The following CALN1 variants were observed in gnomAD, a reference collection of about 807,000 sequenced individuals.
CALN1 encodes calcium-binding protein 8.
In CALN1, 17 loss-of-function variants were observed where a neutral mutation model predicts 30.6. The ratio of observed to expected loss-of-function variants is 0.56; its 90% CI spans 0.38 to 0.83. CALN1 has a LOEUF of 0.83. CALN1 is among the 40% of genes least tolerant of loss of function. The pLI is 0.00. For missense variants in CALN1, 291 were observed against 354.9 expected (o/e 0.82, Z 1.45); for synonymous variants, 156 against 131.4 (o/e 1.19, Z -1.28).
intron 4 of CALN1, among the ~76,000 whole-genome samples, chr7:72,088,701 G>GAAAAAAAAAAAAAAAAA (rs71069024): frequency 2.8e-5 from 2 of 72,470 alleles, no homozygotes; most frequent in African/African-American, 5.1e-5. Flanking sequence ...TCCATCTCAA[G>GAAAAAAAAAAAAAAAAA]AAAAAAAAAA....
the CALN1 span, among the ~76,000 whole-genome samples, chr7:72,499,841 CT>C: frequency 4.0e-5 from 1 of 25,238 alleles, no homozygotes; most frequent in East Asian, 8.5e-4. Flanking sequence ...TTCTTTCTTT[CT>C]TTCTTTCTTT....
At position 71,986,959 on chromosome 7, in the gene CALN1, C is replaced by A. The variant is rs535521923; in HGVS notation, c.501+36698G>T. Among the ~76,000 whole-genome samples the A allele has an allele frequency of 3.3e-5, 5 of 152,192 alleles. No individual in the cohort carries two copies. The South Asian group carries it at 1.0e-3, about 32-fold the overall frequency. ...CCTGGCCAATATAACAAAACACCGTCTCTATTAAAATTACAAAAATTAGCC... is the reference window on the plus strand; with the variant it reads ...CCTGGCCAATATAACAAAACACCGTATCTATTAAAATTACAAAAATTAGCC... On this transcript the variant is annotated intron_variant, in intron 5 of 6. Transcript: ENST00000395275.
At chr7:71,945,076 G>A (rs1186623586) in intron 5 of CALN1, among the ~76,000 whole-genome samples, 2 of 152,152 alleles carry the variant, frequency 1.3e-5, no homozygotes, top group Non-Finnish European at 1.5e-5. Context: ...ACAGTAATAA[G>A]TAGGTTCTCA....
chr7:71,790,580 C>T (rs754080006), intron 6 of CALN1, among the ~76,000 whole-genome samples: 2 of 152,176 alleles, frequency 1.3e-5, no homozygotes, highest in Non-Finnish European at 2.9e-5. Context: ...CAGTTGTGCA[C>T]GGTTCCCCAG....
chr7:72,286,366 G>A (rs962513071), intron 2 of CALN1, among the ~76,000 whole-genome samples: 3 of 152,214 alleles, frequency 2.0e-5, no homozygotes, highest in African/African-American at 7.2e-5. Context: ...AGGAATGGAA[G>A]GTCTGAGACG....
intron 2 of CALN1, among the ~76,000 whole-genome samples, chr7:72,326,163 A>G (rs1801263700): frequency 3.9e-5 from 6 of 152,318 alleles, no homozygotes; most frequent in Admixed American, 3.9e-4. Context: ...TGGGCCTCCC[A>G]AAGTGCTGGG....
chr7:72,410,747 T>C (rs1444267602), intron 1 of CALN1, among the ~76,000 whole-genome samples: 2 of 152,306 alleles, frequency 1.3e-5, no homozygotes, highest in South Asian at 2.1e-4. Context: ...GGGAACTATA[T>C]ATATTTCCTG....
intron 2 of CALN1, among the ~76,000 whole-genome samples, chr7:72,339,301 A>G (rs1802274877): frequency 6.6e-6 from 1 of 152,300 alleles, no homozygotes; most frequent in South Asian, 2.1e-4. Flanking sequence ...CCTCTTCGAT[A>G]TACTAATTTC....
intron 4 of CALN1, among the ~76,000 whole-genome samples, chr7:72,078,035 C>A (rs1804869506): frequency 6.6e-6 from 1 of 152,120 alleles, no homozygotes; most frequent in South Asian, 2.1e-4. Context: ...GGTACAGTTG[C>A]CATAGCAATC....
chr7:72,061,701 G>A (rs1255205004), intron 4 of CALN1, among the ~76,000 whole-genome samples: 2 of 142,502 alleles, frequency 1.4e-5, no homozygotes, highest in Non-Finnish European at 3.0e-5. Flanking sequence ...AAAGGCTGCA[G>A]AGAAGAAAAA....
chr7:71,931,585 G>A (rs924351557), intron 5 of CALN1, among the ~76,000 whole-genome samples: 42 of 152,164 alleles, frequency 2.8e-4, no homozygotes, highest in Non-Finnish European at 1.9e-4. Context: ...TGGTTTTCTT[G>A]GGCCCTACGA....
chr7:72,315,271 C>A (rs975059760), intron 2 of CALN1, among the ~76,000 whole-genome samples: 4 of 152,094 alleles, frequency 2.6e-5, no homozygotes, highest in Non-Finnish European at 5.9e-5. Flanking sequence ...CTTTCCACTA[C>A]AATTCTTTAA....
At chr7:72,147,849 C>CA (rs1462267710) in intron 3 of CALN1, among the ~76,000 whole-genome samples, 1 of 144,756 alleles carries the variant, frequency 6.9e-6, no homozygotes, top group Non-Finnish European at 1.5e-5. Context: ...ATCGCAAGGA[C>CA]AAAAAACCAA....
chr7:71,865,298 T>C (rs1203688567), intron 5 of CALN1, among the ~76,000 whole-genome samples: 4 of 152,148 alleles, frequency 2.6e-5, no homozygotes, highest in Admixed American at 2.6e-4. Flanking sequence ...TAACAATGTG[T>C]GACACCTCCC....
At chr7:72,478,722 G>A in the CALN1 span, among the ~76,000 whole-genome samples, 1 of 151,944 alleles carries the variant, frequency 6.6e-6, no homozygotes, top group Non-Finnish European at 1.5e-5. Context: ...AACTGTGAGT[G>A]TATCATAAAT....
chr7:71,911,419 A>C (rs1409385785), intron 5 of CALN1, among the ~76,000 whole-genome samples: 2 of 152,294 alleles, frequency 1.3e-5, no homozygotes, highest in East Asian at 3.9e-4. Context: ...TTGGATGCCT[A>C]TATACTGTGT....
chr7:72,411,000 A>G (rs377289564), intron 1 of CALN1, among the ~76,000 whole-genome samples: 11 of 152,330 alleles, frequency 7.2e-5, no homozygotes, highest in African/African-American at 2.4e-4. Context: ...AAAATCCCAA[A>G]GAATTCATGA....
chr7:72,297,820 G>A (rs977050400), intron 2 of CALN1, among the ~76,000 whole-genome samples: 1 of 152,184 alleles, frequency 6.6e-6, no homozygotes, highest in South Asian at 2.1e-4. Context: ...TTTGGCTGGT[G>A]AAGTTTCATC....
chr7:72,177,540 G>A lies in CALN1; in HGVS notation c.245-71246C>T, dbSNP rs563441671. ...AGCACTTGGGGAGGCTGAGAAGGGC[G>A]GATCACTTGAAGTCAGGAGTTCGAG... On this transcript the variant is annotated intron_variant, in intron 3 of 6. Coordinates refer to ENST00000395275, the MANE Select transcript of CALN1 (RefSeq NM_031468.4). Among the ~76,000 whole-genome samples the A allele has an allele frequency of 1.3e-4, 20 of 152,116 alleles. No homozygotes were observed. In the South Asian group the frequency reaches 2.3e-3, roughly 17 times the overall value.
Sources: gnomAD v4.1 joint callset for allele counts (sites outside exome capture counted in the v4.1 genomes callset) on GRCh38, gnomAD v4.1.1 for gene constraint, MANE v1.5 for transcripts, NCBI Gene and HGNC (gene_info 2026-07-23, HGNC 2026-07-21) for gene names.